ZFC3H1: variants seen among roughly 807,000 people sequenced by gnomAD.
ZFC3H1 encodes the protein zinc finger C3H1 domain-containing protein.
Under a neutral mutation model 243.7 loss-of-function variants are expected in ZFC3H1, and 71 were observed. The observed-to-expected ratio is 0.29, with a 90% CI of 0.24 to 0.36. The LOEUF is 0.36. Ranked by LOEUF, ZFC3H1 falls within the 10% of genes least tolerant of loss-of-function variation. The pLI, the probability that ZFC3H1 is intolerant of heterozygous loss-of-function variation, is 1.00. For missense variants in ZFC3H1, 1,966 were observed against 2,317.1 expected (o/e 0.85, Z 3.11); for synonymous variants, 838 against 813.0 (o/e 1.03, Z -0.52).
At chr12:71,625,811 T>C (rs537754932) in intron 22 of ZFC3H1, among the ~76,000 whole-genome samples, 2 of 152,328 alleles carry the variant, frequency 1.3e-5, no homozygotes, top group Non-Finnish European at 2.9e-5. Flanking sequence ...CAGATTGGGA[T>C]TATTTCTATA....
intron 24 of ZFC3H1, among the ~76,000 whole-genome samples, chr12:71,622,263 A>G (rs1880049577): frequency 6.6e-6 from 1 of 152,126 alleles, no homozygotes; most frequent in South Asian, 2.1e-4. Context: ...CTTAGGAGTA[A>G]AATGATAAAT....
Position 71,623,563 on chromosome 12 carries a change from G to A in ZFC3H1, c.4541C>T (p.Ala1514Val). 6.2e-7 allele frequency: 1 copy of A among 1,612,280 alleles called. No homozygotes were observed. The change falls in exon 24 of 35, where the codon GCT (alanine) becomes GTT (valine). Residue 1514 changes from alanine (A) to valine (V), a missense_variant. Physicochemically the swap from Ala to Val is moderately conservative, Grantham distance 64. Around this residue, in one of 4 missense-constraint regions of ZFC3H1, gnomAD observed 1,383 missense variants for 1,723.7 expected, o/e 0.80. Coordinates refer to ENST00000378743, the MANE Select transcript of ZFC3H1 (RefSeq NM_144982.5). ...TCGATCACTGGTTTTAAGGTATTCA[G>A]CTACTATTCCATCATTAGCAGATTT... ...ALKSANDGIV[A>V]EYLKTSDRCL...
intron 1 of ZFC3H1, among the ~76,000 whole-genome samples, chr12:71,662,641 T>C (rs545876807): frequency 6.6e-6 from 1 of 152,294 alleles, no homozygotes; most frequent in African/African-American, 2.4e-5. Flanking sequence ...TTACTTAAAC[T>C]GTTTATGAAT....
intron 24 of ZFC3H1, among the ~76,000 whole-genome samples, chr12:71,620,870 C>T (rs545944395): frequency 1.3e-5 from 2 of 152,282 alleles, no homozygotes; most frequent in African/African-American, 4.8e-5. Context: ...CCTCCTTACC[C>T]AATGGTACCA....
intron 6 of ZFC3H1, among the ~76,000 whole-genome samples, chr12:71,641,031 T>C (rs1880589918): frequency 6.6e-6 from 1 of 152,144 alleles, no homozygotes; most frequent in African/African-American, 2.4e-5. Flanking sequence ...AAAAAATACA[T>C]ATATATAAAT....
intron 20 of ZFC3H1, 93 bp from the exon 21 acceptor site, chr12:71,628,027 T>C (rs1880214025): frequency 8.1e-7 from 1 of 1,227,778 alleles, no homozygotes. Context: ...TAAAGTAACT[T>C]AAAAACCTAA....
intron 16 of ZFC3H1, among the ~76,000 whole-genome samples, chr12:71,631,185 A>G (rs1419110101): frequency 6.6e-6 from 1 of 152,120 alleles, no homozygotes; most frequent in East Asian, 1.9e-4. Flanking sequence ...CAGAAAAAAA[A>G]CCTTGTATTC....
rs1382524109 is a variant in ZFC3H1, at chr12:71,615,196, G to T, written c.5255+10C>A. On this transcript the variant is annotated intron_variant, in intron 28 of 34. Coordinates refer to ENST00000378743, the MANE Select transcript of ZFC3H1 (RefSeq NM_144982.5). ...TAGTATGCAATATCTCTCCACAGTG[G>T]ATGTCTCACCAGTAAATCAGCCACA... The T allele has an allele frequency of 1.3e-6, 2 of 1,583,602 alleles. No individual in the cohort carries two copies. Among genetic ancestry groups the T allele is most frequent in the South Asian group, 1.1e-5 (1 of 89,338 alleles).
At position 71,663,618 on chromosome 12, in the gene ZFC3H1, G is replaced by A; in HGVS notation, c.-8C>T. ...AGTATCTGCGGTCGCCATCCGGGGA[G>A]CAGCGCCTTCCACACAACCTTAGCC... On this transcript the variant is annotated 5_prime_UTR_variant, in exon 1 of 35. Coordinates refer to ENST00000378743, the MANE Select transcript of ZFC3H1 (RefSeq NM_144982.5). 6.2e-7 allele frequency: 1 copy of A among 1,605,472 alleles called. No individual in the cohort carries two copies. Among genetic ancestry groups the A allele is most frequent in the Non-Finnish European group, 8.5e-7 (1 of 1,178,174 alleles).
chr12:71,637,219 T>C (rs1392901786), intron 7 of ZFC3H1, among the ~76,000 whole-genome samples, 160 bp from the exon 8 acceptor site: 3 of 151,852 alleles, frequency 2.0e-5, no homozygotes, highest in Non-Finnish European at 4.4e-5. Flanking sequence ...AAACCAGAAA[T>C]CAATAGCCAA....
Position 71,663,587 on chromosome 12 carries a change from G to C in ZFC3H1, c.24C>G (p.Ala8=). The C allele has an allele frequency of 1.2e-6, 2 of 1,611,330 alleles. No homozygotes were observed. Among genetic ancestry groups the C allele is most frequent in the Non-Finnish European group, 1.7e-6 (2 of 1,179,616 alleles). MATADTP[A]PASSGLSPKE... ...TCGGCGAGAGGCCACTGGAGGCCGG[G>C]GCCGGAGTATCTGCGGTCGCCATCC... The change falls in exon 1 of 35, where the codon GCC becomes GCG. Residue 8 remains alanine (A), a synonymous_variant. Coordinates refer to ENST00000378743, the MANE Select transcript of ZFC3H1 (RefSeq NM_144982.5).
intron 24 of ZFC3H1, 72 bp from the exon 25 acceptor site, chr12:71,620,387 A>G (rs890957934): frequency 6.8e-7 from 1 of 1,462,738 alleles, no homozygotes; most frequent in Non-Finnish European, 9.6e-7. Flanking sequence ...TGTTACTTCA[A>G]CTCTGAGAGA....
At position 71,609,715 on chromosome 12, in the gene ZFC3H1, T is replaced by A. The variant is rs1276255705; in HGVS notation, c.*713A>T. 6.6e-6 allele frequency: 1 copy of A among 152,594 alleles called. No homozygotes were observed. The highest frequency in any genetic ancestry group is 1.5e-5 in the Non-Finnish European group (1 of 68,020). The allele number at this position is 152,594 out of a possible 1,614,324, so 9.5% of individuals were successfully genotyped here. ...TGTTCTTTAAACTGTTAAACTTTAT[T>A]ATAAATTAAAATTTCTTTACAAAAA... On this transcript the variant is annotated 3_prime_UTR_variant, in exon 35 of 35. Coordinates refer to ENST00000378743, the MANE Select transcript of ZFC3H1 (RefSeq NM_144982.5).
In ZFC3H1 at chr12:71,632,135, T is replaced by C. The variant is rs1442393043; in HGVS notation, c.3197A>G (p.Lys1066Arg). The change falls in exon 15 of 35, where the codon AAA becomes AGA. Residue 1066 changes from lysine (K) to arginine (R), a missense_variant. This residue lies in a region of ZFC3H1 where 1,383 missense variants were observed against 1,723.7 expected (regional missense o/e 0.80). Transcript: ENST00000378743. ...TTTATTAAGTTTGTTTATGCATTCT[T>C]TGTTAGCAGTATCAGTGTGCTTAAG... ...PNLKHTDTAN[K>R]ECINKLNKNT... is the part of the protein sequence containing the mutation. 3 of 1,609,562 alleles carry C rather than the reference T, an allele frequency of 1.9e-6. No homozygotes were observed. The highest frequency in any genetic ancestry group is 2.5e-6 in the Non-Finnish European group (3 of 1,178,848).
In ZFC3H1 at chr12:71,663,144, C is replaced by T; in HGVS notation, c.467G>A (p.Arg156His). 1 of 1,614,006 alleles carries T rather than the reference C, an allele frequency of 6.2e-7. No individual in the cohort carries two copies. Among genetic ancestry groups the T allele is most frequent in the Non-Finnish European group, 8.5e-7 (1 of 1,179,998 alleles). Residue 156 changes from arginine to histidine, a missense_variant, in exon 1 of 35, where the codon CGC (arginine) becomes CAC (histidine). Physicochemically the swap from Arg to His is conservative, Grantham distance 29. Coordinates refer to ENST00000378743, the MANE Select transcript of ZFC3H1 (RefSeq NM_144982.5). ...ACCCACTCCTCGCCCCCGACTCCAG[C>T]GACTCCCACCCCGGTAAGGCCTGCC... ...FRGRPYRGGS[R>H]WSRGRGVGER...
At chr12:71,659,633 T>G (rs930737123) in intron 1 of ZFC3H1, among the ~76,000 whole-genome samples, 1 of 151,586 alleles carries the variant, frequency 6.6e-6, no homozygotes, top group African/African-American at 2.4e-5. Flanking sequence ...AAATGCTAAA[T>G]AGAAAAATAA....
intron 27 of ZFC3H1, among the ~76,000 whole-genome samples, chr12:71,615,810 G>A (rs1232984697): frequency 4.6e-5 from 7 of 152,052 alleles, no homozygotes; most frequent in South Asian, 4.1e-4. Flanking sequence ...GAGCTGCTGC[G>A]CCTGGCCACA....
chr12:71,620,635 C>T (rs115837544), intron 24 of ZFC3H1, among the ~76,000 whole-genome samples: 4,798 of 152,064 alleles, frequency 0.032, 264 homozygotes, highest in African/African-American at 0.11. Flanking sequence ...TAAAATCCAT[C>T]TCAACAAAAA....
At chr12:71,631,524 C>T (rs899901893) in intron 16 of ZFC3H1, among the ~76,000 whole-genome samples, 6 of 151,940 alleles carry the variant, frequency 3.9e-5, no homozygotes, top group African/African-American at 1.4e-4. Flanking sequence ...AAATTCCTAA[C>T]AAACAGAAAT....
Sources: allele counts gnomAD v4.1 joint callset (sites outside exome capture counted in the v4.1 genomes callset), GRCh38; gene constraint gnomAD v4.1.1; regional missense constraint gnomAD v4.1.1; transcripts MANE v1.5; gene names NCBI Gene and HGNC (gene_info 2026-07-23, HGNC 2026-07-21).